Variants in VEPH1 observed in about 807,000 individuals in gnomAD.
The protein encoded by VEPH1 is ventricular zone expressed PH domain containing 1.
Under a neutral mutation model 85.2 loss-of-function variants are expected in VEPH1, and 80 were observed. The observed-to-expected ratio is 0.94, with a 90% confidence interval of 0.78 to 1.13. The LOEUF (loss-of-function observed/expected upper bound fraction) is 1.13. Among genes scored for constraint, VEPH1 ranks in the 50% most tolerant of loss-of-function variants. The pLI is 0.00. For synonymous variants in VEPH1, 297 were observed against 348.0 expected (o/e 0.85, Z 1.63); for missense variants, 955 against 980.5 (o/e 0.97, Z 0.35).
chr3:157,300,962 C>T (rs1212820746), intron 11 of VEPH1, among the ~76,000 whole-genome samples: 1 of 152,228 alleles, frequency 6.6e-6, no homozygotes, highest in Non-Finnish European at 1.5e-5. Flanking sequence ...CATGCCACTT[C>T]TCTCAAGAAC....
intron 2 of VEPH1, among the ~76,000 whole-genome samples, chr3:157,490,523 T>A (rs921815794): frequency 3.3e-5 from 5 of 151,734 alleles, no homozygotes; most frequent in Non-Finnish European, 7.4e-5. Flanking sequence ...TATGAAAAAA[T>A]GGTCAACCTT....
intron 7 of VEPH1, among the ~76,000 whole-genome samples, chr3:157,378,857 T>C (rs1257041765): frequency 6.6e-6 from 1 of 152,158 alleles, no homozygotes; most frequent in East Asian, 1.9e-4. Context: ...TCCACCCCCC[T>C]CTTCTTCTTA....
At chr3:157,289,197 A>T (rs1717166383) in intron 11 of VEPH1, among the ~76,000 whole-genome samples, 1 of 152,224 alleles carries the variant, frequency 6.6e-6, no homozygotes, top group African/African-American at 2.4e-5. Flanking sequence ...TTCCCACACA[A>T]TTAAGGATCA....
At chr3:157,359,824 C>A (rs961914418) in intron 9 of VEPH1, among the ~76,000 whole-genome samples, 1 of 152,154 alleles carries the variant, frequency 6.6e-6, no homozygotes, top group African/African-American at 2.4e-5. Context: ...TATGGACCAA[C>A]CTAACATCAA....
intron 9 of VEPH1, among the ~76,000 whole-genome samples, chr3:157,357,495 CTT>C (rs147031944): frequency 7.6e-5 from 11 of 143,908 alleles, no homozygotes; most frequent in Non-Finnish European, 3.1e-5. Flanking sequence ...TTGTAAGAAA[CTT>C]TTTTTTTTTT....
chr3:157,429,190 T>C (rs1408415251), intron 4 of VEPH1, among the ~76,000 whole-genome samples: 1 of 152,236 alleles, frequency 6.6e-6, no homozygotes, highest in Admixed American at 6.5e-5. Context: ...CATCTGCTTA[T>C]CACTCTATGG....
intron 6 of VEPH1, among the ~76,000 whole-genome samples, chr3:157,397,796 T>C (rs1442922856): frequency 2.6e-5 from 4 of 152,218 alleles, no homozygotes; most frequent in Admixed American, 1.3e-4. Flanking sequence ...AACCATTGGC[T>C]ACAGCCCATG....
chr3:157,270,722 T>C (rs1714438035), intron 12 of VEPH1, among the ~76,000 whole-genome samples: 1 of 152,182 alleles, frequency 6.6e-6, no homozygotes. Context: ...CGAGCACAGA[T>C]AAGCTGTAAG....
chr3:157,381,350 G>A lies in VEPH1; in HGVS notation c.933C>T (p.Tyr311=), dbSNP rs745509201. ...DEERARSCLT[Y]LVSQLANMEH... ...CCATGTTGGCCAGTTGGCTCACCAG[G>A]TATGTCAGGCAGCTCCTGGCTCTCT... Residue 311 remains tyrosine (Y), a synonymous_variant, in exon 7 of 14, where the codon TAC becomes TAT. Transcript: ENST00000362010. The A allele has an allele frequency of 3.1e-6, 5 of 1,614,192 alleles. No individual in the cohort carries two copies. The East Asian group carries it at 8.9e-5, about 29-fold the overall frequency.
At position 157,472,790 on chromosome 3, in the gene VEPH1, A is replaced by G. The variant is rs150603720; in HGVS notation, c.139-2261T>C. 1.1e-3 allele frequency among the ~76,000 whole-genome samples: 171 copies of G among 152,226 alleles called. 3 individuals are homozygous for G. In the East Asian group the frequency reaches 0.014, roughly 12 times the overall value. ...ACAGTATTTGTTTTTCTGTTCCTGC[A>G]TTAATCTGCTAAGGATAATGGCCTC... On this transcript the variant is annotated intron_variant, in intron 2 of 13. Coordinates refer to ENST00000362010, the MANE Select transcript of VEPH1 (RefSeq NM_001167912.2).
At chr3:157,490,612 A>G (rs897893183) in intron 2 of VEPH1, among the ~76,000 whole-genome samples, 1 of 152,162 alleles carries the variant, frequency 6.6e-6, no homozygotes, top group Non-Finnish European at 1.5e-5. Flanking sequence ...AAAATCTGAT[A>G]AAAGCAAGCA....
chr3:157,430,229 A>G (rs960149556), intron 4 of VEPH1, among the ~76,000 whole-genome samples: 4 of 152,232 alleles, frequency 2.6e-5, no homozygotes, highest in Admixed American at 6.5e-5. Context: ...TATGATCTCC[A>G]TAAGTATTTT....
intron 9 of VEPH1, among the ~76,000 whole-genome samples, chr3:157,360,375 C>T (rs1008677993): frequency 6.6e-6 from 1 of 152,118 alleles, no homozygotes; most frequent in South Asian, 2.1e-4. Context: ...TAAAAAAATA[C>T]ATACTCAGTC....
chr3:157,352,977 C>T (rs1031142538), intron 9 of VEPH1, among the ~76,000 whole-genome samples: 13 of 152,094 alleles, frequency 8.5e-5, no homozygotes, highest in African/African-American at 2.7e-4. Flanking sequence ...CTTGCAAACC[C>T]ATGGCTCTGT....
At chr3:157,437,976 G>A (rs1028058760) in intron 4 of VEPH1, 244 of 1,499,242 alleles carry the variant, frequency 1.6e-4, no homozygotes, top group Non-Finnish European at 2.0e-4. Context: ...CGCGCGTAAC[G>A]GCAAGCCAAG....
chr3:157,285,976 T>C (rs1167232994), intron 12 of VEPH1, among the ~76,000 whole-genome samples: 1 of 152,222 alleles, frequency 6.6e-6, no homozygotes, highest in African/African-American at 2.4e-5. Flanking sequence ...GTGTCTGATA[T>C]GTTTAGCACA....
rs961437752 is a variant in VEPH1, at chr3:157,284,887, G to C, written c.2128+1670C>G. The C allele has an allele frequency of 5.3e-5, 8 of 152,304 alleles. No homozygotes were observed. The East Asian group carries it at 1.5e-3, about 29-fold the overall frequency. 9.4% of individuals were successfully genotyped at this position (152,304 alleles called of 1,614,324 possible). ...AACTGTGAGGAACACAAATAAGAAA[G>C]AGTAAATGTGCAGAACGTTCATTTC... On this transcript the variant is annotated intron_variant, in intron 12 of 13. Coordinates refer to ENST00000362010, the MANE Select transcript of VEPH1 (RefSeq NM_001167912.2).
intron 11 of VEPH1, among the ~76,000 whole-genome samples, chr3:157,305,348 G>C (rs1414909775): frequency 1.3e-5 from 2 of 151,718 alleles, no homozygotes; most frequent in Non-Finnish European, 2.9e-5. Context: ...CTGACCTCGT[G>C]ATCCGCCCGC....
chr3:157,464,040 C>A (rs1374906761), intron 3 of VEPH1, among the ~76,000 whole-genome samples: 1 of 152,178 alleles, frequency 6.6e-6, no homozygotes, highest in Non-Finnish European at 1.5e-5. Flanking sequence ...CATTGAGCAT[C>A]CTCTTTTTGT....
Sources: gnomAD v4.1 joint callset for allele counts (sites outside exome capture counted in the v4.1 genomes callset) on GRCh38, gnomAD v4.1.1 for gene constraint, MANE v1.5 for transcripts, NCBI Gene and HGNC (gene_info 2026-07-23, HGNC 2026-07-21) for gene names.